SPAG16: variants seen among roughly 807,000 people sequenced by gnomAD.
SPAG16 encodes the protein sperm-associated antigen 16 protein.
Under a neutral mutation model 80.4 loss-of-function variants are expected in SPAG16, and 86 were observed. That is an observed-to-expected ratio of 1.07 (90% CI 0.90 to 1.28). The LOEUF (loss-of-function observed/expected upper bound fraction) is 1.28, where lower values mean the gene tolerates loss of function less well. Among genes scored for constraint, SPAG16 ranks in the 50% most tolerant of loss-of-function variants. The probability of loss-of-function intolerance (pLI) is 0.00; values close to 1 mark genes in which losing one functional copy is unlikely to be tolerated. For missense variants in SPAG16, 870 were observed against 765.3 expected (o/e 1.14, Z -1.61); for synonymous variants, 294 against 265.9 (o/e 1.11, Z -1.03).
At chr2:213,464,355 C>T (rs1248518114) in intron 9 of SPAG16, among the ~76,000 whole-genome samples, 1 of 152,068 alleles carries the variant, frequency 6.6e-6, no homozygotes, top group Admixed American at 6.6e-5. Context: ...TCTGCCTTTC[C>T]CAAGGAATGT....
intron 10 of SPAG16, among the ~76,000 whole-genome samples, chr2:213,543,046 T>C (rs960029835): frequency 2.6e-5 from 4 of 152,106 alleles, no homozygotes; most frequent in African/African-American, 9.6e-5. Flanking sequence ...TGATGGTTCA[T>C]TGCTACAAAT....
At chr2:213,478,272 G>C (rs986654337) in intron 9 of SPAG16, among the ~76,000 whole-genome samples, 3 of 152,160 alleles carry the variant, frequency 2.0e-5, no homozygotes, top group Non-Finnish European at 1.5e-5. Flanking sequence ...TATAAAGATA[G>C]AAGAATATTA....
At chr2:213,742,557 T>TG (rs2067608708) in intron 10 of SPAG16, among the ~76,000 whole-genome samples, 2 of 150,538 alleles carry the variant, frequency 1.3e-5, no homozygotes, top group African/African-American at 2.4e-5. Flanking sequence ...CTTTTTTTTT[T>TG]TTTTTTTTTT....
chr2:214,033,860 T>C (rs527913284), intron 13 of SPAG16, among the ~76,000 whole-genome samples: 13 of 152,296 alleles, frequency 8.5e-5, no homozygotes, highest in African/African-American at 2.6e-4. Context: ...AGAAAAATTA[T>C]CCAATTCAGT....
intron 15 of SPAG16, among the ~76,000 whole-genome samples, chr2:214,217,778 G>T (rs548380804): frequency 6.6e-6 from 1 of 152,190 alleles, no homozygotes; most frequent in Non-Finnish European, 1.5e-5. Flanking sequence ...TGAAGGAAAC[G>T]GTAATGCCTG....
intron 10 of SPAG16, among the ~76,000 whole-genome samples, chr2:213,573,127 G>A (rs576606599): frequency 2.6e-5 from 4 of 152,116 alleles, no homozygotes; most frequent in South Asian, 2.1e-4. Flanking sequence ...ACTGGCCTGC[G>A]CCCACTGTCT....
chr2:213,306,274 G>GA (rs1410724391), intron 3 of SPAG16, among the ~76,000 whole-genome samples: 7 of 146,578 alleles, frequency 4.8e-5, no homozygotes, highest in East Asian at 2.0e-4. Context: ...TTTATCTTTT[G>GA]AAAAAACCAA....
At chr2:213,693,290 G>A (rs902697413) in intron 10 of SPAG16, among the ~76,000 whole-genome samples, 1 of 152,154 alleles carries the variant, frequency 6.6e-6, no homozygotes, top group African/African-American at 2.4e-5. Context: ...CCATCAGTAG[G>A]GATGAATAGC....
intron 8 of SPAG16, among the ~76,000 whole-genome samples, chr2:213,369,861 A>T (rs903528586): frequency 1.1e-4 from 16 of 152,012 alleles, no homozygotes; most frequent in African/African-American, 3.6e-4. Flanking sequence ...ATCCCCTACC[A>T]GATTGATACA....
chr2:213,736,939 C>T (rs1304917069), intron 10 of SPAG16, among the ~76,000 whole-genome samples: 1 of 152,090 alleles, frequency 6.6e-6, no homozygotes, highest in African/African-American at 2.4e-5. Flanking sequence ...CGCCTGACCT[C>T]AGGTGATCTG....
At chr2:214,120,497 T>G (rs2054164977) in intron 14 of SPAG16, among the ~76,000 whole-genome samples, 1 of 151,898 alleles carries the variant, frequency 6.6e-6, no homozygotes, top group Non-Finnish European at 1.5e-5. Flanking sequence ...TTCATTATCT[T>G]ATATTTCCTT....
chr2:214,228,108 T>G (rs924938465), intron 15 of SPAG16, among the ~76,000 whole-genome samples: 2 of 151,960 alleles, frequency 1.3e-5, no homozygotes, highest in Non-Finnish European at 2.9e-5. Context: ...TGCATTCCAA[T>G]TAGTAGAGTG....
intron 10 of SPAG16, among the ~76,000 whole-genome samples, chr2:213,525,210 G>A (rs1174653808): frequency 6.6e-6 from 1 of 151,226 alleles, no homozygotes; most frequent in Non-Finnish European, 1.5e-5. Context: ...CTTTCCTTTT[G>A]ACCAGGTATG....
intron 10 of SPAG16, among the ~76,000 whole-genome samples, chr2:213,674,917 G>A (rs2063984714): frequency 6.7e-6 from 1 of 149,722 alleles, no homozygotes; most frequent in South Asian, 2.1e-4. Flanking sequence ...GGATGGCTGA[G>A]TCAAATGGTA....
intron 10 of SPAG16, among the ~76,000 whole-genome samples, chr2:213,791,480 C>T (rs972299552): frequency 6.6e-6 from 1 of 151,898 alleles, no homozygotes; most frequent in African/African-American, 2.4e-5. Flanking sequence ...ATAATATTTA[C>T]GGAAGACTAT....
intron 10 of SPAG16, among the ~76,000 whole-genome samples, chr2:213,818,468 C>T (rs906150778): frequency 2.0e-5 from 3 of 152,110 alleles, no homozygotes; most frequent in African/African-American, 4.8e-5. Flanking sequence ...GTATATGAGC[C>T]TCAAACATCT....
intron 12 of SPAG16, among the ~76,000 whole-genome samples, chr2:213,970,124 C>T (rs1486380544): frequency 6.6e-6 from 1 of 152,048 alleles, no homozygotes. Context: ...GTACTAATCT[C>T]ATTCAGGGTT....
At chr2:213,933,816 A>G (rs1353807779) in intron 12 of SPAG16, among the ~76,000 whole-genome samples, 2 of 152,216 alleles carry the variant, frequency 1.3e-5, no homozygotes, top group African/African-American at 4.8e-5. Flanking sequence ...GTTTACTTTA[A>G]TTTGTGGTTA....
chr2:214,062,418 CAAAAAAAAAA>C (rs56693089), intron 13 of SPAG16, among the ~76,000 whole-genome samples: 1 of 55,372 alleles, frequency 1.8e-5, no homozygotes, highest in African/African-American at 6.4e-5. Context: ...GACTCTGACT[CAAAAAAAAAA>C]AAAAAAAAAA....
Sources: allele counts gnomAD v4.1 joint callset (sites outside exome capture counted in the v4.1 genomes callset), GRCh38; gene constraint gnomAD v4.1.1; transcripts MANE v1.5; gene names NCBI Gene and HGNC (gene_info 2026-07-23, HGNC 2026-07-21).